Variants in MARCHF6 observed in about 807,000 individuals in gnomAD.
MARCHF6 encodes the protein membrane associated ring-CH-type finger 6.
MARCHF6 carries 31 observed loss-of-function variants against 133.7 expected under a neutral mutation model. The observed-to-expected ratio is 0.23, with a 90% CI of 0.17 to 0.31. MARCHF6 has a LOEUF of 0.31. Ranked by LOEUF, MARCHF6 falls within the 10% of genes least tolerant of loss-of-function variation. The pLI is 1.00. For synonymous variants in MARCHF6, 395 were observed against 402.5 expected, an observed-to-expected ratio of 0.98 and a Z score of 0.22; for missense variants, 723 against 1,121.6, an observed-to-expected ratio of 0.64 and a Z score of 5.08.
chr5:10,360,167 G>GA (rs1735732708), intron 1 of MARCHF6, among the ~76,000 whole-genome samples: 4 of 15,776 alleles, frequency 2.5e-4, no homozygotes, highest in Admixed American at 6.6e-4. Context: ...TTTTTTTTTT[G>GA]AGACAGAGTT....
At position 10,404,560 on chromosome 5, in the gene MARCHF6, C is replaced by T. The variant is rs374871432; in HGVS notation, c.1333-998C>T. On this transcript the variant is annotated intron_variant, in intron 15 of 25. Coordinates refer to ENST00000274140, the MANE Select transcript of MARCHF6 (RefSeq NM_005885.4). ...ACAAAGGCACAATTCCTGTTCTCCT[C>T]GATTTTATAGCCTGAAAATGAATAC... 7.2e-5 allele frequency among the ~76,000 whole-genome samples: 11 copies of T among 152,230 alleles called. No homozygotes were observed. In the South Asian group the frequency reaches 1.2e-3, roughly 17 times the overall value.
intron 5 of MARCHF6, among the ~76,000 whole-genome samples, chr5:10,388,539 G>GTCAGCAGTTTGGGCTGGGC (rs1737625167): frequency 6.6e-6 from 1 of 152,186 alleles, no homozygotes; most frequent in African/African-American, 2.4e-5. Context: ...TAATTCTGGG[G>GTCAGCAGTTTGGGCTGGGC]TCAGCAGTTT....
chr5:10,378,966 AT>A (rs1263893869), intron 3 of MARCHF6, 134 bp downstream of exon 3: 44 of 520,374 alleles, frequency 8.5e-5, no homozygotes, highest in Middle Eastern at 3.0e-4. Context: ...TTTCAGCTTG[AT>A]TTTTTTTGAT....
At chr5:10,378,663 T>C in intron 2 of MARCHF6, 96 bp from the exon 3 acceptor site, 1 of 772,540 alleles carries the variant, frequency 1.3e-6, no homozygotes, top group East Asian at 2.8e-5. Flanking sequence ...AAAAGCTCTG[T>C]GATATATACA....
At chr5:10,390,114 G>A (rs1451230729) in intron 5 of MARCHF6, among the ~76,000 whole-genome samples, 1 of 151,996 alleles carries the variant, frequency 6.6e-6, no homozygotes, top group Non-Finnish European at 1.5e-5. Context: ...CATAATACAA[G>A]TATGTAAATA....
At chr5:10,374,188 A>G (rs899520842) in intron 1 of MARCHF6, among the ~76,000 whole-genome samples, 6 of 152,220 alleles carry the variant, frequency 3.9e-5, no homozygotes, top group Non-Finnish European at 5.9e-5. Flanking sequence ...AAAACAATAT[A>G]GAACTCTTTC....
At chr5:10,382,063 CAT>C in intron 4 of MARCHF6, 120 bp downstream of exon 4, 1 of 1,061,688 alleles carries the variant, frequency 9.4e-7, no homozygotes, top group South Asian at 1.5e-5. Flanking sequence ...GTCAGAGTGT[CAT>C]GTATTAGGAA....
intron 5 of MARCHF6, 59 bp downstream of exon 5, chr5:10,387,125 C>T: frequency 4.9e-6 from 6 of 1,228,630 alleles, no homozygotes; most frequent in Non-Finnish European, 7.0e-6. Flanking sequence ...TGCTTTTTTC[C>T]TTGCATATTT....
At chr5:10,400,696 G>A in intron 10 of MARCHF6, 88 bp from the exon 11 acceptor site, 1 of 915,282 alleles carries the variant, frequency 1.1e-6, no homozygotes, top group African/African-American at 1.7e-5. Flanking sequence ...TCTCCAAGAA[G>A]CCCTAGTTCC....
chr5:10,381,546 A>G (rs1345788752), intron 3 of MARCHF6, among the ~76,000 whole-genome samples: 1 of 152,168 alleles, frequency 6.6e-6, no homozygotes, highest in Non-Finnish European at 1.5e-5. Context: ...TTAGCAAGGG[A>G]TGTGAACATC....
In MARCHF6 at chr5:10,433,607, C is replaced by G; in HGVS notation, c.2656C>G (p.Gln886Glu). The G allele has an allele frequency of 1.2e-6, 2 of 1,614,126 alleles. No individual in the cohort carries two copies. Among genetic ancestry groups the G allele is most frequent in the Non-Finnish European group, 1.7e-6 (2 of 1,179,972 alleles). Residue 886 changes from glutamine (Q) to glutamate (E), a missense_variant, in exon 26 of 26, where the codon CAA (glutamine) becomes GAA (glutamate). By Grantham distance (29) the Gln-to-Glu change is conservative. Coordinates refer to ENST00000274140, the MANE Select transcript of MARCHF6 (RefSeq NM_005885.4). ...HIKNDKYLVG[Q>E]RLVNYERKSG... ...TTTGCAACCTAGGTACCTTGTGGGT[C>G]AACGACTCGTGAACTACGAACGGAA...
chr5:10,390,425 A>G lies in MARCHF6; in HGVS notation c.501A>G (p.Ile167Met). Reference protein sequence around the residue: ...FISLVWLREQIVHGGAPIWLE... With the variant: ...FISLVWLREQMVHGGAPIWLE... ...GCCTGGTGTGGTTGAGAGAGCAGAT[A>G]GTCCATGGGGGAGCACCAATTTGGT... is the stretch of plus-strand genomic sequence containing the variant. The change falls in exon 6 of 26, where the codon ATA becomes ATG. Residue 167 changes from isoleucine to methionine, a missense_variant. Physicochemically the swap from Ile to Met is conservative, Grantham distance 10 (BLOSUM62 1). Around this residue, in one of 4 missense-constraint regions of MARCHF6, gnomAD observed 91 missense variants for 208.8 expected, o/e 0.44. Coordinates refer to ENST00000274140, the MANE Select transcript of MARCHF6 (RefSeq NM_005885.4). The G allele has an allele frequency of 1.9e-6, 3 of 1,614,092 alleles. No homozygotes were observed. The highest frequency in any genetic ancestry group is 2.5e-6 in the Non-Finnish European group (3 of 1,180,016).
chr5:10,428,564 A>T (rs1027963060), intron 24 of MARCHF6, among the ~76,000 whole-genome samples: 2 of 151,784 alleles, frequency 1.3e-5, no homozygotes, highest in African/African-American at 4.8e-5. Flanking sequence ...CTGGTCTTGA[A>T]CTTCTGACCT....
intron 4 of MARCHF6, among the ~76,000 whole-genome samples, chr5:10,385,243 G>A (rs904115203): frequency 1.7e-4 from 26 of 152,170 alleles, no homozygotes; most frequent in African/African-American, 6.3e-4. Flanking sequence ...TGAACATCTT[G>A]ATTTGGGTGG....
intron 7 of MARCHF6, among the ~76,000 whole-genome samples, chr5:10,392,199 C>T (rs186946918): frequency 5.9e-5 from 9 of 152,212 alleles, no homozygotes; most frequent in East Asian, 3.9e-4. Flanking sequence ...CCTTGTGAGC[C>T]GCCCATCTCG....
intron 7 of MARCHF6, among the ~76,000 whole-genome samples, chr5:10,393,410 A>G (rs1045344732): frequency 2.0e-5 from 3 of 152,072 alleles, no homozygotes; most frequent in Non-Finnish European, 4.4e-5. Flanking sequence ...CAGGTAGCTC[A>G]GAGTACCTGG....
At chr5:10,409,635 A>G (rs1296360837) in intron 17 of MARCHF6, among the ~76,000 whole-genome samples, 2 of 152,166 alleles carry the variant, frequency 1.3e-5, no homozygotes, top group African/African-American at 2.4e-5. Context: ...GATCTAACTT[A>G]GGTTTAAAGA....
intron 1 of MARCHF6, among the ~76,000 whole-genome samples, chr5:10,356,551 T>A (rs1291595873): frequency 1.3e-5 from 2 of 151,566 alleles, no homozygotes; most frequent in African/African-American, 2.4e-5. Context: ...GCGCGCCACC[T>A]CCCTCTGCTA....
At chr5:10,389,501 C>G (rs1166951917) in intron 5 of MARCHF6, among the ~76,000 whole-genome samples, 1 of 152,112 alleles carries the variant, frequency 6.6e-6, no homozygotes, top group Non-Finnish European at 1.5e-5. Flanking sequence ...CTCCTGGGTT[C>G]AAGCGATTAT....
Sources: allele counts gnomAD v4.1 joint callset (sites outside exome capture counted in the v4.1 genomes callset), GRCh38; gene constraint gnomAD v4.1.1; regional missense constraint gnomAD v4.1.1; transcripts MANE v1.5; gene names NCBI Gene and HGNC (gene_info 2026-07-23, HGNC 2026-07-21).